Variants in CLEC2A observed in about 807,000 individuals in gnomAD.
CLEC2A encodes C-type lectin domain family 2 member A, also known as keratinocyte-associated C-type lectin.
Under a neutral mutation model 18.6 loss-of-function variants are expected in CLEC2A, and 19 were observed. The ratio of observed to expected loss-of-function variants is 1.02; its 90% confidence interval spans 0.71 to 1.50. CLEC2A has a LOEUF of 1.50. CLEC2A is among the 40% of genes most tolerant of loss of function. The pLI is 0.00. For synonymous variants in CLEC2A, 74 were observed against 64.0 expected (o/e 1.16, Z -0.75); for missense variants, 190 against 207.9 (o/e 0.91, Z 0.53).
chr12:9,893,540 T>C, the CLEC2A span: 1 of 1,337,746 alleles, frequency 7.5e-7, no homozygotes, highest in South Asian at 1.3e-5. Context: ...AGTTCCAGAA[T>C]TGTGAGTAGT....
downstream of CLEC2A, among the ~76,000 whole-genome samples, chr12:9,911,888 C>T (rs1281088443): frequency 6.6e-6 from 1 of 152,108 alleles, no homozygotes; most frequent in Non-Finnish European, 1.5e-5. Context: ...AAAGCCTTGT[C>T]ATGCAGTTAC....
chr12:9,921,369 G>T (rs1324965706), intron 3 of CLEC2A, among the ~76,000 whole-genome samples: 2 of 152,012 alleles, frequency 1.3e-5, no homozygotes, highest in African/African-American at 4.8e-5. Flanking sequence ...CAGTAGAATT[G>T]CTTGATCTCA....
chr12:9,914,224 C>A (rs957717824), intron 4 of CLEC2A, among the ~76,000 whole-genome samples: 9 of 151,846 alleles, frequency 5.9e-5, no homozygotes, highest in African/African-American at 2.2e-4. Context: ...TGCTTATAGT[C>A]TTTTTTTTAC....
the CLEC2A span, chr12:9,888,823 A>G: frequency 7.8e-7 from 1 of 1,283,804 alleles, no homozygotes; most frequent in Non-Finnish European, 1.1e-6. Context: ...TTAGGGGTAA[A>G]TTTAGTTTTG....
downstream of CLEC2A, among the ~76,000 whole-genome samples, chr12:9,909,270 T>A (rs1233996201): frequency 6.6e-6 from 1 of 152,180 alleles, no homozygotes; most frequent in Non-Finnish European, 1.5e-5. Context: ...ATCATCTCCC[T>A]CAGGTCTTGC....
At chr12:9,898,982 AGCAAGAACAG>A in intron 4 of CLEC2A, 1 of 713,742 alleles carries the variant, frequency 1.4e-6, no homozygotes, top group South Asian at 1.5e-5. Context: ...ATGGCCTGAA[AGCAAGAACAG>A]ACAAACCGGA....
At chr12:9,917,278 G>A (rs1342213207) in intron 3 of CLEC2A, among the ~76,000 whole-genome samples, 2 of 152,126 alleles carry the variant, frequency 1.3e-5, no homozygotes, top group African/African-American at 2.4e-5. Context: ...AGGTAGACTT[G>A]TGTCATGAAG....
downstream of CLEC2A, among the ~76,000 whole-genome samples, chr12:9,909,245 T>C (rs1862946910): frequency 6.6e-6 from 1 of 152,176 alleles, no homozygotes; most frequent in Admixed American, 6.5e-5. Context: ...TACTTATTCT[T>C]GAGTTCTTTT....
chr12:9,916,352 G>C (rs141697432), intron 4 of CLEC2A, among the ~76,000 whole-genome samples: 1 of 152,052 alleles, frequency 6.6e-6, no homozygotes, highest in Non-Finnish European at 1.5e-5. Flanking sequence ...TACTTGGAAA[G>C]AAGTACAAGT....
At chr12:9,903,488 A>G (rs1862864558) in intron 4 of CLEC2A, among the ~76,000 whole-genome samples, 1 of 152,240 alleles carries the variant, frequency 6.6e-6, no homozygotes, top group Non-Finnish European at 1.5e-5. Flanking sequence ...TAGCTAGTTC[A>G]TTGGATAAAA....
At chr12:9,895,891 C>G, downstream of CLEC2A, 5 of 1,423,516 alleles carry the variant, frequency 3.5e-6, no homozygotes, top group Non-Finnish European at 4.6e-6. Context: ...ATTTTAAAGA[C>G]TTAAGATTTT....
intron 1 of CLEC2A, among the ~76,000 whole-genome samples, chr12:9,931,637 G>A (rs886316666): frequency 3.3e-5 from 5 of 152,124 alleles, no homozygotes; most frequent in Non-Finnish European, 7.4e-5. Context: ...CTCTGATAGT[G>A]GTTTCAGCTG....
At position 9,922,162 on chromosome 12, in the gene CLEC2A, G is replaced by A. The variant is rs1863184166; in HGVS notation, c.210C>T (p.Phe70=). ...AATTTCTGGTATCATCAGAAAAATAGAAACACTTATCTCTCACTCCAAGCC... is the reference window on the plus strand; with the variant it reads ...AATTTCTGGTATCATCAGAAAAATAAAAACACTTATCTCTCACTCCAAGCC... The part of the protein sequence containing the change: ...GDWLGVRDKC[F]YFSDDTRNWT... Residue 70 remains phenylalanine (F), a synonymous_variant, in exon 3 of 5, where the codon TTC becomes TTT. Transcript: ENST00000455827. 1 of 1,550,762 alleles carries A rather than the reference G, an allele frequency of 6.4e-7. No individual in the cohort carries two copies. Among genetic ancestry groups the A allele is most frequent in the Non-Finnish European group, 8.7e-7 (1 of 1,146,552 alleles).
the CLEC2A span, among the ~76,000 whole-genome samples, chr12:9,887,724 GT>G: frequency 9.0e-3 from 1,198 of 133,470 alleles, 3 homozygotes; most frequent in African/African-American, 8.7e-3. Flanking sequence ...GGTCAAAAGA[GT>G]TTTTTTTTTT....
chr12:9,895,539 G>C, downstream of CLEC2A: 3 of 632,382 alleles, frequency 4.7e-6, no homozygotes, highest in Non-Finnish European at 7.9e-6. Context: ...AGGAGAAGAG[G>C]CTGCATTAGC....
downstream of CLEC2A, chr12:9,893,680 GCT>G (rs568486379): frequency 2.2e-5 from 9 of 412,450 alleles, no homozygotes; most frequent in South Asian, 8.3e-4. Flanking sequence ...TTCCCTTTTA[GCT>G]CTCTCTTTTC....
At chr12:9,930,833 C>A (rs1863363473) in intron 1 of CLEC2A, among the ~76,000 whole-genome samples, 1 of 151,532 alleles carries the variant, frequency 6.6e-6, no homozygotes, top group African/African-American at 2.4e-5. Context: ...TATTTTCTAA[C>A]TGTTTTCTTT....
downstream of CLEC2A, among the ~76,000 whole-genome samples, chr12:9,910,559 C>G (rs7962870): frequency 0.099 from 15,114 of 152,156 alleles, 1,351 homozygotes; most frequent in East Asian, 0.38. Flanking sequence ...CTGGATGTTT[C>G]TTGCAATCTT....
chr12:9,921,039 C>G (rs1203497524), intron 3 of CLEC2A, among the ~76,000 whole-genome samples: 1 of 152,124 alleles, frequency 6.6e-6, no homozygotes, highest in Non-Finnish European at 1.5e-5. Flanking sequence ...GGTTCAAATC[C>G]CAGCCCAACA....
Sources: gnomAD v4.1 joint callset for allele counts (sites outside exome capture counted in the v4.1 genomes callset) on GRCh38, gnomAD v4.1.1 for gene constraint, MANE v1.5 for transcripts, NCBI Gene and HGNC (gene_info 2026-07-23, HGNC 2026-07-21) for gene names.